CDH11: variants seen among roughly 807,000 people sequenced by gnomAD.
CDH11 encodes cadherin 11.
CDH11 carries 11 observed loss-of-function variants against 67.8 expected under a neutral mutation model. The observed-to-expected ratio is 0.16, with a 90% confidence interval of 0.10 to 0.27. CDH11 has a LOEUF of 0.27. CDH11 is among the 10% of genes least tolerant of loss of function. CDH11 has a pLI of 1.00. For synonymous variants in CDH11, 419 were observed against 400.0 expected, an observed-to-expected ratio of 1.05 and a Z score of -0.57; for missense variants, 847 against 1,031.2, an observed-to-expected ratio of 0.82 and a Z score of 2.45.
chr16:65,108,288 G>C (rs889146077), intron 1 of CDH11, among the ~76,000 whole-genome samples: 21 of 152,156 alleles, frequency 1.4e-4, no homozygotes, highest in Non-Finnish European at 2.9e-4. Context: ...TGCTGAAGTT[G>C]AAGATTCCCT....
intron 12 of CDH11, 108 bp downstream of exon 12, chr16:64,950,659 A>C: frequency 3.9e-6 from 5 of 1,272,982 alleles, no homozygotes; most frequent in Non-Finnish European, 5.2e-6. Context: ...CTGTGTCGAC[A>C]GTCATAACAG....
intron 4 of CDH11, among the ~76,000 whole-genome samples, chr16:64,993,579 C>T (rs1228085746): frequency 6.6e-6 from 1 of 152,080 alleles, no homozygotes; most frequent in East Asian, 1.9e-4. Context: ...GAATGCTGTT[C>T]CCTACTGGCA....
chr16:65,013,479 A>G (rs2073224314), intron 2 of CDH11, among the ~76,000 whole-genome samples: 1 of 152,116 alleles, frequency 6.6e-6, no homozygotes, highest in Non-Finnish European at 1.5e-5. Flanking sequence ...ACAACTCACT[A>G]CACTAGAGGT....
intron 4 of CDH11, among the ~76,000 whole-genome samples, chr16:64,997,441 T>G (rs1191451234): frequency 6.9e-6 from 1 of 145,672 alleles, no homozygotes; most frequent in Non-Finnish European, 1.5e-5. Flanking sequence ...CCCGCAAAGG[T>G]GAGAATAATG....
In CDH11 at chr16:64,982,197, C is replaced by A. The variant is rs755772370; in HGVS notation, c.1104G>T (p.Val368=). 1 of 1,614,086 alleles carries A rather than the reference C, an allele frequency of 6.2e-7. No homozygotes were observed. Among genetic ancestry groups the A allele is most frequent in the East Asian group, 2.2e-5 (1 of 44,872 alleles). The change falls in exon 8 of 13, where the codon GTG becomes GTT. Residue 368 remains valine, a synonymous_variant. Transcript: ENST00000268603. ...CATCTTCTACTGAGATCTTGACGGT[C>A]ACAGTGTCCTTGAAAGGGCCATTGC... ...FISNGPFKDT[V]TVKISVEDAD... is the part of the protein sequence containing the mutation.
chr16:64,964,545 T>G (rs1860160340), intron 11 of CDH11, among the ~76,000 whole-genome samples: 1 of 151,784 alleles, frequency 6.6e-6, no homozygotes, highest in Non-Finnish European at 1.5e-5. Context: ...ATTTATTTAT[T>G]TATTTATTTA....
intron 3 of CDH11, 87 bp from the exon 4 acceptor site, chr16:64,998,943 G>GCA (rs2072845094): frequency 1.0e-5 from 10 of 977,230 alleles, no homozygotes; most frequent in Non-Finnish European, 1.4e-5. Flanking sequence ...AATCTGCTGC[G>GCA]CACACACACA....
chr16:64,964,047 C>A (rs2071745193), intron 11 of CDH11, among the ~76,000 whole-genome samples: 1 of 152,136 alleles, frequency 6.6e-6, no homozygotes, highest in Admixed American at 6.5e-5. Flanking sequence ...GATGAAGAAA[C>A]AGACACTTTT....
intron 2 of CDH11, among the ~76,000 whole-genome samples, chr16:65,028,258 C>A (rs1228620201): frequency 6.6e-6 from 1 of 152,146 alleles, no homozygotes; most frequent in Non-Finnish European, 1.5e-5. Flanking sequence ...CCACCTAAGG[C>A]ACAGCAGGTT....
chr16:65,069,043 T>C (rs2074369154), intron 1 of CDH11, among the ~76,000 whole-genome samples: 1 of 152,240 alleles, frequency 6.6e-6, no homozygotes, highest in Admixed American at 6.5e-5. Context: ...ACCTTGTCGG[T>C]ATTGCAATTC....
At chr16:65,081,118 C>T (rs2074602152) in intron 1 of CDH11, among the ~76,000 whole-genome samples, 2 of 152,136 alleles carry the variant, frequency 1.3e-5, no homozygotes, top group South Asian at 4.1e-4. Flanking sequence ...ATGCATATGT[C>T]TGTCTAAATT....
At chr16:65,006,169 C>G (rs1416333604) in intron 2 of CDH11, among the ~76,000 whole-genome samples, 4 of 152,168 alleles carry the variant, frequency 2.6e-5, no homozygotes, top group Non-Finnish European at 2.9e-5. Flanking sequence ...GAGTGCCACC[C>G]AGACTCCAGA....
intron 2 of CDH11, among the ~76,000 whole-genome samples, chr16:65,005,794 A>G (rs946223989): frequency 6.6e-6 from 1 of 152,228 alleles, no homozygotes; most frequent in Non-Finnish European, 1.5e-5. Flanking sequence ...CTCAGAAAGG[A>G]TATTTTACAA....
chr16:65,015,778 G>A (rs1427098479), intron 2 of CDH11, among the ~76,000 whole-genome samples: 3 of 152,146 alleles, frequency 2.0e-5, no homozygotes, highest in African/African-American at 7.2e-5. Context: ...GTTTTGTAAG[G>A]TATAAACAAT....
At chr16:64,957,928 G>C (rs1041975903) in intron 11 of CDH11, among the ~76,000 whole-genome samples, 67 of 151,736 alleles carry the variant, frequency 4.4e-4, no homozygotes, top group Non-Finnish European at 4.4e-5. Flanking sequence ...AACATTTTTA[G>C]AAGTTTGTGA....
At chr16:65,103,378 T>C (rs1192342272) in intron 1 of CDH11, among the ~76,000 whole-genome samples, 1 of 152,232 alleles carries the variant, frequency 6.6e-6, no homozygotes. Flanking sequence ...TTAATGGTAT[T>C]ATTTTTTCAT....
chr16:65,114,762 C>T (rs560607787), intron 1 of CDH11, among the ~76,000 whole-genome samples: 6 of 152,270 alleles, frequency 3.9e-5, no homozygotes, highest in Admixed American at 3.9e-4. Context: ...CCCAGCCTGG[C>T]TGTGATTTTG....
At chr16:65,062,955 C>T (rs1225516945) in intron 1 of CDH11, among the ~76,000 whole-genome samples, 1 of 152,196 alleles carries the variant, frequency 6.6e-6, no homozygotes, top group Non-Finnish European at 1.5e-5. Flanking sequence ...TCTACATCCT[C>T]ATCACACCTC....
chr16:65,039,488 T>C (rs1229927758), intron 2 of CDH11, among the ~76,000 whole-genome samples: 1 of 152,180 alleles, frequency 6.6e-6, no homozygotes, highest in African/African-American at 2.4e-5. Context: ...TAAATGGTGC[T>C]GGGAAAACTG....
Sources: gnomAD v4.1 joint callset for allele counts (sites outside exome capture counted in the v4.1 genomes callset) on GRCh38, gnomAD v4.1.1 for gene constraint, MANE v1.5 for transcripts, NCBI Gene and HGNC (gene_info 2026-07-23, HGNC 2026-07-21) for gene names.